ATG4C: variants seen among roughly 807,000 people sequenced by gnomAD.
ATG4C encodes the protein autophagy related 4C cysteine peptidase.
A neutral mutation model predicts 57.6 loss-of-function variants in ATG4C; 56 were observed. That is an observed-to-expected ratio of 0.97 (90% CI 0.78 to 1.21). The LOEUF is 1.21. Ranked by LOEUF, ATG4C falls within the 50% of genes most tolerant of loss-of-function variation. ATG4C has a pLI of 0.00. For missense variants in ATG4C, 595 were observed against 529.8 expected, an observed-to-expected ratio of 1.12 and a Z score of -1.21; for synonymous variants, 157 against 174.1, an observed-to-expected ratio of 0.90 and a Z score of 0.78.
intron 1 of ATG4C, among the ~76,000 whole-genome samples, chr1:62,801,491 G>A (rs1439877617): frequency 2.0e-5 from 3 of 152,164 alleles, no homozygotes; most frequent in African/African-American, 7.2e-5. Flanking sequence ...AGAAAAGAAT[G>A]GCAGGGCGTG....
rs375126338 is a variant in ATG4C, at chr1:62,805,158, T to A, written c.77-14T>A. The A allele has an allele frequency of 1.3e-6, 2 of 1,518,566 alleles. No individual in the cohort carries two copies. Among genetic ancestry groups the A allele is most frequent in the Non-Finnish European group, 1.7e-6 (2 of 1,146,258 alleles). The allele number at this position is 1,518,566 out of a possible 1,614,324, so 94.1% of individuals were successfully genotyped here. A position where few individuals can be genotyped will look rare whatever the true frequency, so the allele number is the denominator to read the frequency against. On this transcript the variant is annotated splice_polypyrimidine_tract_variant and intron_variant, in intron 2 of 10. Transcript: ENST00000317868. Reference sequence around the variant, plus strand: ...TTACAAAACGTTTTCTTTTCTTTTTTTTTTTTTTGCTAGGTTGGGTGTTGA... The same window carrying A: ...TTACAAAACGTTTTCTTTTCTTTTTATTTTTTTTGCTAGGTTGGGTGTTGA...
intron 1 of ATG4C, among the ~76,000 whole-genome samples, chr1:62,793,299 A>G (rs1445375964): frequency 6.6e-6 from 1 of 152,112 alleles, no homozygotes; most frequent in Non-Finnish European, 1.5e-5. Flanking sequence ...GACAATGGTC[A>G]AGAACTACTG....
Position 62,818,911 on chromosome 1 carries a change from C to T in ATG4C, c.395-94C>T, listed in dbSNP as rs1477931404. On this transcript the variant is annotated intron_variant, in intron 4 of 10. Transcript: ENST00000317868. ...ATTTTTGAATTTACTGTCTTAGTAACCCAAATGACCTTAAATGCTACGTAT... is the reference window on the plus strand; with the variant it reads ...ATTTTTGAATTTACTGTCTTAGTAATCCAAATGACCTTAAATGCTACGTAT... The T allele has an allele frequency of 2.9e-6, 3 of 1,022,772 alleles. No individual in the cohort carries two copies. In the Admixed American group the frequency reaches 8.2e-5, roughly 28 times the overall value. The allele number at this position is 1,022,772 out of a possible 1,614,324, so 63.4% of individuals were successfully genotyped here.
chr1:62,833,715 A>C (rs1429593281), intron 7 of ATG4C, among the ~76,000 whole-genome samples: 1 of 152,108 alleles, frequency 6.6e-6, no homozygotes, highest in Non-Finnish European at 1.5e-5. Context: ...AGCTAACTGG[A>C]AGGCTAAGTG....
At chr1:62,813,530 T>C (rs1665161480) in intron 3 of ATG4C, among the ~76,000 whole-genome samples, 1 of 152,176 alleles carries the variant, frequency 6.6e-6, no homozygotes, top group South Asian at 2.1e-4. Context: ...ATTCAGGACA[T>C]AGGCATGGGC....
chr1:62,849,668 C>T lies in ATG4C; in HGVS notation c.1209+8121C>T, dbSNP rs567457178. Among the ~76,000 whole-genome samples the T allele has an allele frequency of 6.5e-4, 99 of 152,132 alleles. 1 individual carries two copies. The highest frequency in any genetic ancestry group is 2.1e-3 in the African/African-American group (89 of 41,524). On this transcript the variant is annotated intron_variant, in intron 10 of 10. Transcript: ENST00000317868. ...CTAGGATTACCGGTGCCTGCCACCA[C>T]GCCCAGCTAAGTTTTGTGTTTTTAG...
At chr1:62,790,607 A>G (rs991127667) in intron 1 of ATG4C, among the ~76,000 whole-genome samples, 14 of 152,218 alleles carry the variant, frequency 9.2e-5, no homozygotes, top group Non-Finnish European at 2.1e-4. Context: ...TTACTTTTTA[A>G]TATACTCTTT....
At chr1:62,800,550 C>A (rs1160860365) in intron 1 of ATG4C, among the ~76,000 whole-genome samples, 1 of 152,158 alleles carries the variant, frequency 6.6e-6, no homozygotes, top group African/African-American at 2.4e-5. Context: ...TGTGGATGCA[C>A]TATATATAAT....
Position 62,864,164 on chromosome 1 carries a change from T to G in ATG4C, c.*5T>G. ...GAAGAGTTTGTCTTGCTTTAAAGAT[T>G]AGCACATTTGTGCTTGATAAGAAGA... is the stretch of plus-strand genomic sequence containing the variant. On this transcript the variant is annotated 3_prime_UTR_variant, in exon 11 of 11. Coordinates refer to ENST00000317868, the MANE Select transcript of ATG4C (RefSeq NM_032852.4). 1 of 1,593,610 alleles carries G rather than the reference T, an allele frequency of 6.3e-7. No homozygotes were observed. Among genetic ancestry groups the G allele is most frequent in the Non-Finnish European group, 8.5e-7 (1 of 1,174,028 alleles).
chr1:62,833,633 G>T (rs1313358161), intron 7 of ATG4C, among the ~76,000 whole-genome samples: 1 of 152,072 alleles, frequency 6.6e-6, no homozygotes, highest in Admixed American at 6.6e-5. Flanking sequence ...ACAGCAGTAA[G>T]GACTAAGAAC....
chr1:62,863,925 T>G, intron 10 of ATG4C, 67 bp from the exon 11 acceptor site: 1 of 1,138,382 alleles, frequency 8.8e-7, no homozygotes, highest in Non-Finnish European at 1.2e-6. Context: ...AAACAGTAGA[T>G]TTGTCGTGTG....
intron 3 of ATG4C, among the ~76,000 whole-genome samples, chr1:62,815,964 C>T (rs546951123): frequency 8.1e-4 from 123 of 152,134 alleles, no homozygotes; most frequent in African/African-American, 2.8e-3. Flanking sequence ...AGATTACAGG[C>T]GTGAGCCACC....
intron 10 of ATG4C, among the ~76,000 whole-genome samples, chr1:62,846,602 A>G (rs760327702): frequency 4.6e-5 from 7 of 152,182 alleles, no homozygotes; most frequent in Non-Finnish European, 8.8e-5. Flanking sequence ...TTTTGCTCAC[A>G]GTTTTCCTTG....
chr1:62,822,837 T>G (rs541423138), intron 6 of ATG4C, among the ~76,000 whole-genome samples: 1 of 152,318 alleles, frequency 6.6e-6, no homozygotes, highest in African/African-American at 2.4e-5. Context: ...TAGGACTATG[T>G]ACTCTATACT....
At chr1:62,788,999 T>C (rs1446335048) in intron 1 of ATG4C, among the ~76,000 whole-genome samples, 4 of 152,222 alleles carry the variant, frequency 2.6e-5, no homozygotes, top group African/African-American at 9.6e-5. Context: ...TAGCCAGATT[T>C]TTATATTCCG....
chr1:62,848,966 A>G (rs1161120560), intron 10 of ATG4C, among the ~76,000 whole-genome samples: 2 of 152,076 alleles, frequency 1.3e-5, no homozygotes, highest in Non-Finnish European at 2.9e-5. Flanking sequence ...AATTTTGTAG[A>G]TTGTCCTCTC....
chr1:62,799,656 T>A (rs1444854879), intron 1 of ATG4C, among the ~76,000 whole-genome samples: 1 of 152,162 alleles, frequency 6.6e-6, no homozygotes, highest in African/African-American at 2.4e-5. Flanking sequence ...AGTAGGTGTA[T>A]ATATTTATGG....
rs142622852 is a variant in ATG4C at position 62,820,445 on chromosome 1, C to G, written c.726-694C>G. Among the ~76,000 whole-genome samples, 3 of 152,166 alleles carry G rather than the reference C, an allele frequency of 2.0e-5. No individual in the cohort carries two copies. In the East Asian group the frequency reaches 5.8e-4, roughly 29 times the overall value. On this transcript the variant is annotated intron_variant, in intron 5 of 10. Coordinates refer to ENST00000317868, the MANE Select transcript of ATG4C (RefSeq NM_032852.4). The stretch of plus-strand genomic sequence containing the variant: ...ATAGTTTGCCAGTCTTTCTTCTACA[C>G]TAACACATAGGAACATGAATAATAG...
chr1:62,857,817 A>G (rs754050386), intron 10 of ATG4C, among the ~76,000 whole-genome samples: 20 of 152,158 alleles, frequency 1.3e-4, no homozygotes, highest in Non-Finnish European at 2.1e-4. Context: ...TTTTTGCTAA[A>G]GAATCCTGAT....
Sources: gnomAD v4.1 joint callset for allele counts (sites outside exome capture counted in the v4.1 genomes callset) on GRCh38, gnomAD v4.1.1 for gene constraint, MANE v1.5 for transcripts, NCBI Gene and HGNC (gene_info 2026-07-23, HGNC 2026-07-21) for gene names.